DIPK1C: variants seen among roughly 807,000 people sequenced by gnomAD.
DIPK1C encodes the protein divergent protein kinase domain 1C.
A neutral mutation model predicts 28.0 loss-of-function variants in DIPK1C; 33 were observed. The ratio of observed to expected loss-of-function variants is 1.18; its 90% CI spans 0.89 to 1.58. DIPK1C has a LOEUF of 1.58. Ranked by LOEUF, DIPK1C falls within the 40% of genes most tolerant of loss-of-function variation. The pLI is 0.00. For synonymous variants in DIPK1C, 255 were observed against 248.8 expected, an observed-to-expected ratio of 1.02 and a Z score of -0.23; for missense variants, 569 against 568.5, an observed-to-expected ratio of 1.00 and a Z score of -0.01.
upstream of DIPK1C, among the ~76,000 whole-genome samples, chr18:74,459,287 C>T (rs757108005): frequency 6.6e-6 from 1 of 152,030 alleles, no homozygotes. Flanking sequence ...CAAAATTAAC[C>T]ACATTCAGAT....
At chr18:74,440,146 G>A (rs1037918753) in intron 3 of DIPK1C, among the ~76,000 whole-genome samples, 5 of 152,078 alleles carry the variant, frequency 3.3e-5, no homozygotes, top group African/African-American at 1.2e-4. Context: ...GGGTTTCACC[G>A]TGTTAGCCAG....
In DIPK1C at chr18:74,446,824, A is replaced by G. The variant is rs1229388440; in HGVS notation, c.658T>C (p.Tyr220His). 2.0e-6 allele frequency: 3 copies of G among 1,498,510 alleles called. No individual in the cohort carries two copies. Among genetic ancestry groups the G allele is most frequent in the South Asian group, 1.3e-5 (1 of 76,570 alleles). 92.8% of individuals were successfully genotyped at this position (1,498,510 alleles called of 1,614,324 possible). ...LPVLGSCGHF[Y>H]AVEFLAAGSP... ...CCCGCGGCCAGGAACTCCACCGCGTAGAAGTGGCCGCAGGAACCCAGCACG... is the reference window on the plus strand; with the variant it reads ...CCCGCGGCCAGGAACTCCACCGCGTGGAAGTGGCCGCAGGAACCCAGCACG... The change falls in exon 2 of 4, where the codon TAC becomes CAC. Residue 220 changes from tyrosine to histidine, a missense_variant. Coordinates refer to ENST00000343998, the MANE Select transcript of DIPK1C (RefSeq NM_001044369.3).
chr18:74,450,331 CA>C lies in DIPK1C; in HGVS notation c.199-3049del, dbSNP rs1372739832. Among the ~76,000 whole-genome samples the C allele has an allele frequency of 3.3e-5, 5 of 152,140 alleles. No individual in the cohort carries two copies. In the East Asian group the frequency reaches 9.6e-4, roughly 29 times the overall value. The stretch of plus-strand genomic sequence containing the variant: ...AGTGTTATCACATATCTAATTTAAT[CA>C]AAAGTACTTTTGCATAAAGTAGAGA... On this transcript the variant is annotated intron_variant, in intron 1 of 3. Coordinates refer to ENST00000343998, the MANE Select transcript of DIPK1C (RefSeq NM_001044369.3).
rs1394649786 is a variant in DIPK1C at position 74,434,888 on chromosome 18, G to C, written c.*1613C>G. 1 of 152,190 alleles carries C rather than the reference G, an allele frequency of 6.6e-6. No individual in the cohort carries two copies. The highest frequency in any genetic ancestry group is 2.1e-4 in the South Asian group (1 of 4,834). The allele number at this position is 152,190 out of a possible 1,614,324, so 9.4% of individuals were successfully genotyped here. On this transcript the variant is annotated 3_prime_UTR_variant, in exon 4 of 4. Coordinates refer to ENST00000343998, the MANE Select transcript of DIPK1C (RefSeq NM_001044369.3). Reference sequence around the variant, plus strand: ...GAGTCTTCATGTCCATGATGAGGAGGCCCTCTATGGAACTCTGTGTCATTT... The same window carrying C: ...GAGTCTTCATGTCCATGATGAGGAGCCCCTCTATGGAACTCTGTGTCATTT...
chr18:74,445,061 C>G (rs1174728880), intron 2 of DIPK1C, among the ~76,000 whole-genome samples: 1 of 152,180 alleles, frequency 6.6e-6, no homozygotes, highest in African/African-American at 2.4e-5. Context: ...ACAGCACCTT[C>G]TGGGTCCCAC....
intron 3 of DIPK1C, among the ~76,000 whole-genome samples, 165 bp downstream of exon 3, chr18:74,441,787 C>T (rs1986130577): frequency 6.6e-6 from 1 of 152,102 alleles, no homozygotes; most frequent in African/African-American, 2.4e-5. Flanking sequence ...CAACCAAGAG[C>T]ACGATTGTCC....
intron 1 of DIPK1C, among the ~76,000 whole-genome samples, chr18:74,452,876 TAGG>T (rs1986429636): frequency 6.6e-6 from 1 of 152,216 alleles, no homozygotes; most frequent in Non-Finnish European, 1.5e-5. Context: ...CTTCTGTGCG[TAGG>T]AGGAGTTCCT....
intron 1 of DIPK1C, among the ~76,000 whole-genome samples, chr18:74,453,407 T>C (rs1599042131): frequency 6.6e-6 from 1 of 152,334 alleles, no homozygotes; most frequent in East Asian, 1.9e-4. Context: ...CTCCCTACTT[T>C]AGGAATGTGG....
At chr18:74,463,044 T>C in the DIPK1C span, among the ~76,000 whole-genome samples, 2 of 152,202 alleles carry the variant, frequency 1.3e-5, no homozygotes, top group Admixed American at 1.3e-4. Context: ...AGGAAAATAC[T>C]GTTTGTCATG....
intron 1 of DIPK1C, among the ~76,000 whole-genome samples, chr18:74,452,100 G>A (rs983237420): frequency 6.6e-6 from 1 of 152,090 alleles, no homozygotes; most frequent in African/African-American, 2.4e-5. Flanking sequence ...AAAGCAGAAC[G>A]GTTGCATGGA....
chr18:74,442,329 T>C (rs1986147971), intron 2 of DIPK1C, among the ~76,000 whole-genome samples: 2 of 150,388 alleles, frequency 1.3e-5, no homozygotes, highest in South Asian at 2.1e-4. Flanking sequence ...TTTTTCTTTT[T>C]CTTTTTTTTT....
At chr18:74,456,322 T>C (rs927584071) in intron 1 of DIPK1C, among the ~76,000 whole-genome samples, 4 of 152,226 alleles carry the variant, frequency 2.6e-5, no homozygotes, top group Non-Finnish European at 5.9e-5. Context: ...AAATGCGAAA[T>C]GTTTCTTTCT....
chr18:74,450,914 G>A (rs1200715242), intron 1 of DIPK1C, among the ~76,000 whole-genome samples: 2 of 152,220 alleles, frequency 1.3e-5, no homozygotes, highest in Non-Finnish European at 2.9e-5. Context: ...TTGCTGTGTG[G>A]CTTGTTTCCG....
chr18:74,446,606 T>C lies in DIPK1C; in HGVS notation c.876A>G (p.Thr292=), dbSNP rs760411454. The C allele has an allele frequency of 3.6e-5, 53 of 1,455,282 alleles. No individual in the cohort carries two copies. Among genetic ancestry groups the C allele is most frequent in the Non-Finnish European group, 4.6e-5 (50 of 1,098,058 alleles). 90.1% of individuals were successfully genotyped at this position (1,455,282 alleles called of 1,614,324 possible). Reference sequence around the variant, plus strand: ...AAACACACCGACCTGCGCCACTTACTGTGAAGTCGCTCCGGATGGCAAAGT... The same window carrying C: ...AAACACACCGACCTGCGCCACTTACCGTGAAGTCGCTCCGGATGGCAAAGT... The part of the protein sequence containing the change: ...PENFAIRSDF[T]VVAIDVDMAF... Residue 292 remains threonine, a splice_region_variant and synonymous_variant, in exon 2 of 4, where the codon ACA becomes ACG. Transcript: ENST00000343998.
chr18:74,446,126 A>G (rs1986254544), intron 2 of DIPK1C, among the ~76,000 whole-genome samples: 1 of 151,664 alleles, frequency 6.6e-6, no homozygotes, highest in Non-Finnish European at 1.5e-5. Flanking sequence ...ACTGACTGGA[A>G]CCTCTCCAGA....
In DIPK1C at chr18:74,457,261, G is replaced by T; in HGVS notation, c.-2C>A. The stretch of plus-strand genomic sequence containing the variant: ...CCGCGCGCCCGCCGCCCGCGCCATG[G>T]CCAGCCCTGCCCGCGCCCGGGCCCC... On this transcript the variant is annotated 5_prime_UTR_variant, in exon 1 of 4. Coordinates refer to ENST00000343998, the MANE Select transcript of DIPK1C (RefSeq NM_001044369.3). The T allele has an allele frequency of 1.0e-6, 1 of 992,626 alleles. No homozygotes were observed. The highest frequency in any genetic ancestry group is 1.2e-6 in the Non-Finnish European group (1 of 836,074). 61.5% of individuals were successfully genotyped at this position (992,626 alleles called of 1,614,324 possible).
At position 74,436,118 on chromosome 18, in the gene DIPK1C, G is replaced by A. The variant is rs1421970430; in HGVS notation, c.*383C>T. ...CCAGACACAGGCATACACATCATTT[G>A]TATGCACACACGCACACTTTTTAAC... On this transcript the variant is annotated 3_prime_UTR_variant, in exon 4 of 4. Coordinates refer to ENST00000343998, the MANE Select transcript of DIPK1C (RefSeq NM_001044369.3). The A allele has an allele frequency of 8.1e-6, 2 of 248,212 alleles. No individual in the cohort carries two copies. Among genetic ancestry groups the A allele is most frequent in the African/African-American group, 4.5e-5 (2 of 44,570 alleles). The allele number at this position is 248,212 out of a possible 1,614,324, so 15.4% of individuals were successfully genotyped here. A position where few individuals can be genotyped will look rare whatever the true frequency, so the allele number is the denominator to read the frequency against.
chr18:74,463,062 CA>C, the DIPK1C span, among the ~76,000 whole-genome samples: 1 of 152,154 alleles, frequency 6.6e-6, no homozygotes, highest in African/African-American at 2.4e-5. Context: ...ATGGAGTTAT[CA>C]GGGGAGCTGC....
At chr18:74,439,664 T>TA (rs1023238427) in intron 3 of DIPK1C, among the ~76,000 whole-genome samples, 23 of 151,934 alleles carry the variant, frequency 1.5e-4, no homozygotes, top group Non-Finnish European at 7.4e-5. Context: ...AAAAATAAAT[T>TA]AAAAAATTAG....
Sources: allele counts gnomAD v4.1 joint callset (sites outside exome capture counted in the v4.1 genomes callset), GRCh38; gene constraint gnomAD v4.1.1; transcripts MANE v1.5; gene names NCBI Gene and HGNC (gene_info 2026-07-23, HGNC 2026-07-21).